NCOA6: variants seen among roughly 807,000 people sequenced by gnomAD.
NCOA6 encodes the protein NRC RAP250.
A neutral mutation model predicts 171.4 loss-of-function variants in NCOA6; 49 were observed. The ratio of observed to expected loss-of-function variants is 0.29; its 90% CI spans 0.23 to 0.36. NCOA6 has a LOEUF of 0.36. Ranked by LOEUF, NCOA6 falls within the 10% of genes least tolerant of loss-of-function variation. NCOA6 has a pLI of 1.00. For missense variants in NCOA6, 2,248 were observed against 2,554.5 expected (o/e 0.88, Z 2.59); for synonymous variants, 910 against 927.5 (o/e 0.98, Z 0.34).
intron 1 of NCOA6, among the ~76,000 whole-genome samples, chr20:34,808,935 A>C (rs1372086811): frequency 6.6e-6 from 1 of 152,194 alleles, no homozygotes; most frequent in Non-Finnish European, 1.5e-5. Flanking sequence ...TGATCAAGAA[A>C]AAGCTAATTC....
intron 2 of NCOA6, among the ~76,000 whole-genome samples, chr20:34,791,436 C>T (rs2077880920): frequency 6.6e-6 from 1 of 152,162 alleles, no homozygotes; most frequent in African/African-American, 2.4e-5. Flanking sequence ...AACAGCTCTA[C>T]AGTGCTTGCT....
Position 34,792,581 on chromosome 20 carries a change from C to A in NCOA6, c.-163-18G>T. 2.5e-6 allele frequency: 1 copy of A among 398,298 alleles called. No homozygotes were observed. Among genetic ancestry groups the A allele is most frequent in the Non-Finnish European group, 4.4e-6 (1 of 225,862 alleles). 24.7% of individuals were successfully genotyped at this position (398,298 alleles called of 1,614,324 possible). ...TCAAAATTCTAAAAACAAACAACAA[C>A]AACAACAACAAAAAGAGAGAGAGAG... is the stretch of plus-strand genomic sequence containing the variant. On this transcript the variant is annotated intron_variant, in intron 1 of 14. Coordinates refer to ENST00000359003, the MANE Select transcript of NCOA6 (RefSeq NM_014071.5).
At chr20:34,774,077 T>A (rs1462018254) in intron 4 of NCOA6, among the ~76,000 whole-genome samples, 2 of 152,248 alleles carry the variant, frequency 1.3e-5, no homozygotes, top group African/African-American at 4.8e-5. Flanking sequence ...ATGGCTATAA[T>A]GTTAAGGGAG....
intron 10 of NCOA6, among the ~76,000 whole-genome samples, chr20:34,746,467 A>G (rs572147489): frequency 6.6e-6 from 1 of 152,216 alleles, no homozygotes; most frequent in Non-Finnish European, 1.5e-5. Flanking sequence ...GGTCTTGAAC[A>G]CTTGCGCTCA....
At chr20:34,814,207 C>T (rs1207951277) in intron 1 of NCOA6, among the ~76,000 whole-genome samples, 4 of 151,858 alleles carry the variant, frequency 2.6e-5, no homozygotes, top group South Asian at 2.1e-4. Flanking sequence ...GGCATGGTGG[C>T]GCATGCCTGT....
At chr20:34,756,895 A>G (rs1239969179) in intron 7 of NCOA6, among the ~76,000 whole-genome samples, 1 of 152,236 alleles carries the variant, frequency 6.6e-6, no homozygotes, top group Middle Eastern at 3.2e-3. Context: ...TGAGAAGTTT[A>G]AATTGTTAAC....
chr20:34,764,856 G>A (rs2076928538), intron 5 of NCOA6, among the ~76,000 whole-genome samples: 2 of 151,970 alleles, frequency 1.3e-5, no homozygotes, highest in African/African-American at 4.8e-5. Flanking sequence ...GCTCACACCT[G>A]TAATCTCAGC....
rs1017171041 is a variant in NCOA6, at chr20:34,808,891, T to C, written c.-163-16328A>G. Among the ~76,000 whole-genome samples the C allele has an allele frequency of 3.3e-5, 5 of 152,256 alleles. 1 individual carries two copies. In the Middle Eastern group the frequency reaches 0.01, roughly 311 times the overall value. Reference sequence around the variant, plus strand: ...CAGGTGATTTCAATGTGAAGACAGGTTTGGGAAATCACTGAGCTAAAGTTT... The same window carrying C: ...CAGGTGATTTCAATGTGAAGACAGGCTTGGGAAATCACTGAGCTAAAGTTT... On this transcript the variant is annotated intron_variant, in intron 1 of 14. Transcript: ENST00000359003.
At chr20:34,772,921 A>C (rs1236692653) in intron 4 of NCOA6, among the ~76,000 whole-genome samples, 1 of 152,222 alleles carries the variant, frequency 6.6e-6, no homozygotes, top group Non-Finnish European at 1.5e-5. Context: ...TAAGAAAAAA[A>C]ATCACATATT....
intron 13 of NCOA6, among the ~76,000 whole-genome samples, chr20:34,727,732 T>C (rs944392253): frequency 2.6e-5 from 4 of 151,296 alleles, no homozygotes; most frequent in African/African-American, 9.7e-5. Flanking sequence ...TTTTCTTTTT[T>C]TTTTTTTTCC....
intron 11 of NCOA6, chr20:34,739,007 T>A (rs933799313): frequency 2.2e-6 from 1 of 445,788 alleles, no homozygotes; most frequent in Admixed American, 2.4e-5. Context: ...TAGCAGTGTG[T>A]GACTGACTCC....
rs779107211 is a variant in NCOA6, at chr20:34,754,717, C to A, written c.1675+5G>T. 6.2e-7 allele frequency: 1 copy of A among 1,614,120 alleles called. No homozygotes were observed. The highest frequency in any genetic ancestry group is 1.1e-5 in the South Asian group (1 of 91,088). ...TGCTGGCTAAACAAATCACAGAAAA[C>A]AAACCTGCATGCTGGACATTTTGAT... On this transcript the variant is annotated splice_donor_5th_base_variant and intron_variant, in intron 8 of 14. Coordinates refer to ENST00000359003, the MANE Select transcript of NCOA6 (RefSeq NM_014071.5).
chr20:34,770,818 C>T (rs1317024563), intron 4 of NCOA6, among the ~76,000 whole-genome samples: 4 of 151,934 alleles, frequency 2.6e-5, no homozygotes, highest in East Asian at 3.9e-4. Flanking sequence ...TTAGTAGAAA[C>T]GGGGTTTCAC....
intron 14 of NCOA6, among the ~76,000 whole-genome samples, chr20:34,726,217 T>C (rs1311321311): frequency 6.6e-6 from 1 of 152,114 alleles, no homozygotes; most frequent in African/African-American, 2.4e-5. Flanking sequence ...ATCAAAGGCA[T>C]AGATGGAGAA....
At chr20:34,725,329 A>G (rs1408256629) in intron 14 of NCOA6, among the ~76,000 whole-genome samples, 1 of 152,206 alleles carries the variant, frequency 6.6e-6, no homozygotes, top group Non-Finnish European at 1.5e-5. Flanking sequence ...TGGTATTATG[A>G]AGAAGAACCT....
intron 1 of NCOA6, among the ~76,000 whole-genome samples, chr20:34,802,892 G>A (rs2078303121): frequency 6.6e-6 from 1 of 152,064 alleles, no homozygotes; most frequent in Admixed American, 6.6e-5. Context: ...CCAGCTCAAT[G>A]CAGCCAAGTG....
At chr20:34,746,054 T>C (rs892508852) in intron 10 of NCOA6, among the ~76,000 whole-genome samples, 1 of 152,136 alleles carries the variant, frequency 6.6e-6, no homozygotes, top group African/African-American at 2.4e-5. Context: ...GACTCATTAA[T>C]GAAACTTCTA....
chr20:34,731,478 G>A (rs2075776707), intron 13 of NCOA6, among the ~76,000 whole-genome samples: 1 of 152,154 alleles, frequency 6.6e-6, no homozygotes, highest in Non-Finnish European at 1.5e-5. Flanking sequence ...CTGAACTTTA[G>A]ATTTCTCATC....
intron 14 of NCOA6, among the ~76,000 whole-genome samples, chr20:34,716,215 CAA>C (rs34030662): frequency 2.3e-4 from 17 of 73,780 alleles, no homozygotes; most frequent in South Asian, 5.8e-4. Context: ...GACTCCGTCT[CAA>C]AAAAAAAAAA....
Sources: gnomAD v4.1 joint callset for allele counts (sites outside exome capture counted in the v4.1 genomes callset) on GRCh38, gnomAD v4.1.1 for gene constraint, MANE v1.5 for transcripts, NCBI Gene and HGNC (gene_info 2026-07-23, HGNC 2026-07-21) for gene names.